The following IGFL2 variants were observed in gnomAD, a reference collection of about 807,000 sequenced individuals.
IGFL2 encodes IGF like family member 2.
A neutral mutation model predicts 13.9 loss-of-function variants in IGFL2; 7 were observed. The observed-to-expected ratio is 0.51, with a 90% CI of 0.29 to 0.95. The LOEUF (loss-of-function observed/expected upper bound fraction) is 0.95. Ranked by LOEUF, IGFL2 falls within the 40% of genes least tolerant of loss-of-function variation. The probability of loss-of-function intolerance (pLI) is 0.08; values close to 1 mark genes in which losing one functional copy is unlikely to be tolerated. For synonymous variants in IGFL2, 55 were observed against 55.8 expected, an observed-to-expected ratio of 0.99 and a Z score of 0.07; for missense variants, 138 against 147.8, an observed-to-expected ratio of 0.93 and a Z score of 0.34.
chr19:46,202,480 G>C, the IGFL2 span: 1 of 152,130 alleles, frequency 6.6e-6, no homozygotes, highest in African/African-American at 2.4e-5. Context: ...ATAGTAAAAA[G>C]GTAAGTTTAG....
At chr19:46,078,688 C>T in the IGFL2 span, among the ~76,000 whole-genome samples, 1 of 152,210 alleles carries the variant, frequency 6.6e-6, no homozygotes, top group South Asian at 2.1e-4. Flanking sequence ...CACCACAGTC[C>T]GTCAAAAGGC....
At chr19:46,173,140 G>A in the IGFL2 span, among the ~76,000 whole-genome samples, 1 of 152,326 alleles carries the variant, frequency 6.6e-6, no homozygotes, top group African/African-American at 2.4e-5. Context: ...CTTTTATTTG[G>A]AAGTTGAAAA....
At chr19:46,178,992 CAGTG>C in the IGFL2 span, among the ~76,000 whole-genome samples, 5 of 152,206 alleles carry the variant, frequency 3.3e-5, no homozygotes, top group East Asian at 7.7e-4. Context: ...TTCATCAACA[CAGTG>C]AGTAGAGCAG....
the IGFL2 span, among the ~76,000 whole-genome samples, chr19:46,106,008 C>T: frequency 1.0e-3 from 154 of 152,144 alleles, no homozygotes; most frequent in African/African-American, 3.5e-3. Context: ...GCTAAGTTTC[C>T]TTTTGTGAGT....
the IGFL2 span, chr19:46,196,349 C>T: frequency 2.2e-5 from 4 of 182,214 alleles, no homozygotes; most frequent in Admixed American, 1.9e-4. Flanking sequence ...AACTACACCT[C>T]ATCCCTGTCC....
chr19:46,115,266 T>G, the IGFL2 span, among the ~76,000 whole-genome samples: 1 of 152,170 alleles, frequency 6.6e-6, no homozygotes, highest in African/African-American at 2.4e-5. Flanking sequence ...ATTCCTGAGC[T>G]CTGGGGAAGG....
chr19:46,165,764 A>G (rs555291549), downstream of IGFL2, among the ~76,000 whole-genome samples: 7 of 152,358 alleles, frequency 4.6e-5, no homozygotes, highest in African/African-American at 1.7e-4. Flanking sequence ...GGCTTGATAC[A>G]GGCAAAGGAC....
the IGFL2 span, among the ~76,000 whole-genome samples, chr19:46,095,553 G>T: frequency 6.6e-6 from 1 of 152,172 alleles, no homozygotes; most frequent in Non-Finnish European, 1.5e-5. Flanking sequence ...TGTCAATTTT[G>T]CTTTGGTTGC....
the IGFL2 span, among the ~76,000 whole-genome samples, chr19:46,124,908 C>G: frequency 6.6e-6 from 1 of 150,630 alleles, no homozygotes; most frequent in African/African-American, 2.5e-5. Flanking sequence ...TCATTGCATT[C>G]TCCATATACT....
At chr19:46,120,470 C>CATCTGGTGTAG in the IGFL2 span, 1 of 1,468,036 alleles carries the variant, frequency 6.8e-7, no homozygotes, top group Non-Finnish European at 9.3e-7. Flanking sequence ...GACTGCTACA[C>CATCTGGTGTAG]CAGATGTGTA....
At position 46,160,629 on chromosome 19, in the gene IGFL2, A is replaced by T. The variant is rs1974108054; in HGVS notation, c.89A>T (p.Glu30Val). 6.2e-7 allele frequency: 1 copy of T among 1,614,076 alleles called. No individual in the cohort carries two copies. The highest frequency in any genetic ancestry group is 1.7e-5 in the Admixed American group (1 of 60,008). ...ATCTGTCCAGCTCCCGCTGGCTCAG[A>T]ACCATGGCTGTGCCAGCCGGCACCC... The part of the protein sequence containing the change: ...PREVIAPAGS[E>V]PWLCQPAPRC... The change falls in exon 3 of 4, where the codon GAA becomes GTA. Residue 30 changes from glutamate (E) to valine (V), a missense_variant. Transcript: ENST00000377693.
chr19:46,098,731 G>A, the IGFL2 span, among the ~76,000 whole-genome samples: 3 of 152,078 alleles, frequency 2.0e-5, no homozygotes, highest in Non-Finnish European at 2.9e-5. Flanking sequence ...CACCCGCCTC[G>A]GCCTCCCAAA....
At chr19:46,185,732 A>T in the IGFL2 span, among the ~76,000 whole-genome samples, 3 of 152,160 alleles carry the variant, frequency 2.0e-5, no homozygotes, top group African/African-American at 7.2e-5. Flanking sequence ...TTTTATTATT[A>T]TTGTTGTTAT....
the IGFL2 span, among the ~76,000 whole-genome samples, chr19:46,179,752 C>T: frequency 2.0e-5 from 3 of 152,018 alleles, no homozygotes; most frequent in African/African-American, 7.2e-5. Context: ...TCCATCTCTG[C>T]TGAAAACACA....
the IGFL2 span, among the ~76,000 whole-genome samples, chr19:46,127,527 TC>T: frequency 6.6e-6 from 1 of 152,238 alleles, no homozygotes; most frequent in South Asian, 2.1e-4. Flanking sequence ...ATAATTTAGG[TC>T]CCGGACAATT....
At chr19:46,084,263 G>A in the IGFL2 span, among the ~76,000 whole-genome samples, 1 of 152,182 alleles carries the variant, frequency 6.6e-6, no homozygotes, top group Non-Finnish European at 1.5e-5. Context: ...TGTGTATTCT[G>A]CAGCTGTTGG....
the IGFL2 span, chr19:46,113,953 A>T: frequency 1.3e-5 from 2 of 152,636 alleles, no homozygotes; most frequent in African/African-American, 4.8e-5. Flanking sequence ...TGGCCAGACC[A>T]CATATAAAAA....
chr19:46,136,909 T>G, the IGFL2 span: 1 of 871,434 alleles, frequency 1.1e-6, no homozygotes, highest in Non-Finnish European at 2.0e-6. Context: ...GATTTACACA[T>G]GTCCTCTGGG....
chr19:46,119,424 A>G, the IGFL2 span, among the ~76,000 whole-genome samples: 1 of 152,172 alleles, frequency 6.6e-6, no homozygotes, highest in Non-Finnish European at 1.5e-5. Flanking sequence ...TCCCACTGCA[A>G]GCTTCTAAGC....
Sources: gnomAD v4.1 joint callset for allele counts (sites outside exome capture counted in the v4.1 genomes callset) on GRCh38, gnomAD v4.1.1 for gene constraint, MANE v1.5 for transcripts, NCBI Gene and HGNC (gene_info 2026-07-23, HGNC 2026-07-21) for gene names.